RAD17: variants seen among roughly 807,000 people sequenced by gnomAD.
The protein encoded by RAD17 is cell cycle checkpoint protein RAD17.
In RAD17, 31 loss-of-function variants were observed where a neutral mutation model predicts 81.5. That is an observed-to-expected ratio of 0.38 (90% CI 0.29 to 0.51). The LOEUF is 0.51. Among genes scored for constraint, RAD17 ranks in the 20% least tolerant of loss-of-function variants. RAD17 has a pLI of 0.88. For missense variants in RAD17, 681 were observed against 781.2 expected (o/e 0.87, Z 1.53); for synonymous variants, 261 against 266.2 (o/e 0.98, Z 0.19).
intron 17 of RAD17, among the ~76,000 whole-genome samples, chr5:69,405,982 C>A (rs1260005793): frequency 6.7e-6 from 1 of 149,996 alleles, no homozygotes; most frequent in Non-Finnish European, 1.5e-5. Flanking sequence ...GTAGAGGTTA[C>A]TGTGAGCTGA....
Position 69,410,510 on chromosome 5 carries a change from C to G in RAD17, c.1711C>G (p.Gln571Glu). The G allele has an allele frequency of 6.2e-7, 1 of 1,612,378 alleles. No individual in the cohort carries two copies. Among genetic ancestry groups the G allele is most frequent in the Non-Finnish European group, 8.5e-7 (1 of 1,179,136 alleles). ...TGTTTCAGCTCAGATTTCTTTTATC[C>G]AAGATATTGGAAGGCTCCCTCTGAA... is the stretch of plus-strand genomic sequence containing the variant. ...MRNQAQISFIQDIGRLPLKRH... is the reference protein window; with the variant it reads ...MRNQAQISFIEDIGRLPLKRH... Residue 571 changes from glutamine to glutamate, a missense_variant, in exon 18 of 19, where the codon CAA becomes GAA. By Grantham distance (29) the Gln-to-Glu change is conservative. Transcript: ENST00000354868.
intron 16 of RAD17, among the ~76,000 whole-genome samples, chr5:69,398,660 G>T (rs1482792305): frequency 6.6e-6 from 1 of 151,666 alleles, no homozygotes; most frequent in Non-Finnish European, 1.5e-5. Context: ...ACAAAAGTTT[G>T]CCAGGTGTGG....
In RAD17 at chr5:69,369,989, A is replaced by C. The variant is rs1762830769; in HGVS notation, c.-417+56A>C. On this transcript the variant is annotated intron_variant, in intron 1 of 18. Transcript: ENST00000354868. The stretch of plus-strand genomic sequence containing the variant: ...GTATATGTCTTAGAGACGTGAGTCT[A>C]TCTCTGCCTTCAAGCTTTCCTGGGC... 3 of 443,156 alleles carry C rather than the reference A, an allele frequency of 6.8e-6. 1 individual carries two copies. The South Asian group carries it at 1.0e-4, about 15-fold the overall frequency. The allele number at this position is 443,156 out of a possible 1,614,324, so 27.5% of individuals were successfully genotyped here. A position where few individuals can be genotyped will look rare whatever the true frequency, so the allele number is the denominator to read the frequency against.
chr5:69,397,417 C>G (rs1764961865), intron 16 of RAD17, among the ~76,000 whole-genome samples: 1 of 151,938 alleles, frequency 6.6e-6, no homozygotes, highest in African/African-American at 2.4e-5. Flanking sequence ...GCTGGGATTA[C>G]AGGCATGAGC....
intron 16 of RAD17, among the ~76,000 whole-genome samples, chr5:69,399,246 C>A (rs966824750): frequency 6.6e-6 from 1 of 152,086 alleles, no homozygotes; most frequent in Non-Finnish European, 1.5e-5. Flanking sequence ...CAGAGTGAGA[C>A]CCCCATCTCT....
intron 5 of RAD17, 27 bp downstream of exon 5, chr5:69,374,114 A>G (rs1350948815): frequency 7.0e-6 from 11 of 1,571,308 alleles, no homozygotes; most frequent in Admixed American, 2.0e-5. Flanking sequence ...AGACATATCT[A>G]CATAATTTAA....
At position 69,369,873 on chromosome 5, in the gene RAD17, A is replaced by T. The variant is rs762420567; in HGVS notation, c.-477A>T. ...GGTAGGGCCAGGTGGCTGCCCTTTC[A>T]CCTAGGGTAGTCCCTGGTCGCCTCC... On this transcript the variant is annotated 5_prime_UTR_variant, in exon 1 of 19. Transcript: ENST00000354868. The T allele has an allele frequency of 4.6e-6, 3 of 647,802 alleles. No homozygotes were observed. The highest frequency in any genetic ancestry group is 8.0e-6 in the Non-Finnish European group (3 of 377,284). 40.1% of individuals were successfully genotyped at this position (647,802 alleles called of 1,614,324 possible).
intron 10 of RAD17, 37 bp from the exon 11 acceptor site, chr5:69,386,359 T>C (rs2150815607): frequency 1.9e-6 from 3 of 1,580,454 alleles, no homozygotes; most frequent in Non-Finnish European, 2.6e-6. Context: ...ATTTTTAAAT[T>C]AATCATTTAA....
At position 69,372,982 on chromosome 5, in the gene RAD17, C is replaced by T. The variant is rs867525772; in HGVS notation, c.9+765C>T. 1.2e-4 allele frequency among the ~76,000 whole-genome samples: 18 copies of T among 152,254 alleles called. No homozygotes were observed. In the Middle Eastern group the frequency reaches 0.01, roughly 86 times the overall value. ...TCAATTATAAAAATATTAGTTGCTT[C>T]ATACACTGAAGAAAAATATAATCCA... On this transcript the variant is annotated intron_variant, in intron 4 of 18. Coordinates refer to ENST00000354868, the MANE Select transcript of RAD17 (RefSeq NM_133338.3).
chr5:69,374,507 A>G (rs961095778), intron 5 of RAD17, 121 bp from the exon 6 acceptor site: 2 of 594,114 alleles, frequency 3.4e-6, no homozygotes, highest in Non-Finnish European at 5.8e-6. Flanking sequence ...TCATTTTATT[A>G]TATAGATTGT....
At position 69,394,743 on chromosome 5, in the gene RAD17, C is replaced by T. The variant is rs188816969; in HGVS notation, c.1422+1243C>T. On this transcript the variant is annotated intron_variant, in intron 15 of 18. Transcript: ENST00000354868. ...TCTGTTGGACGACACTATTTTGATACGTTAATATTTCTGTGTGCTATAAAT... is the reference window on the plus strand; with the variant it reads ...TCTGTTGGACGACACTATTTTGATATGTTAATATTTCTGTGTGCTATAAAT... Among the ~76,000 whole-genome samples, 24 of 152,242 alleles carry T rather than the reference C, an allele frequency of 1.6e-4. No individual in the cohort carries two copies. The South Asian group carries it at 3.3e-3, about 21-fold the overall frequency.
intron 18 of RAD17, among the ~76,000 whole-genome samples, chr5:69,413,484 CT>C (rs1766153401): frequency 2.0e-5 from 3 of 152,046 alleles, no homozygotes; most frequent in Admixed American, 2.0e-4. Flanking sequence ...GACATTATTT[CT>C]TTTTATTTTT....
upstream of RAD17, chr5:69,369,636 C>A: frequency 6.4e-7 from 1 of 1,564,802 alleles, no homozygotes; most frequent in African/African-American, 1.4e-5. Flanking sequence ...CCCGGCGGCC[C>A]AGCCGCGGCC....
intron 17 of RAD17, among the ~76,000 whole-genome samples, chr5:69,408,988 A>G (rs1765803140): frequency 6.6e-6 from 1 of 152,148 alleles, no homozygotes; most frequent in Admixed American, 6.5e-5. Context: ...CTTATGAACT[A>G]GTTGGCTTAT....
Position 69,386,465 on chromosome 5 carries a change from G to A in RAD17, c.894G>A (p.Lys298=). 2.5e-6 allele frequency: 4 copies of A among 1,583,960 alleles called. No individual in the cohort carries two copies. Among genetic ancestry groups the A allele is most frequent in the Non-Finnish European group, 3.4e-6 (4 of 1,168,488 alleles). ...GAATAGTGACTATAGAAGCTAACAA[G>A]GTAAGTCTCTGATTAATTAAACCTT... ...LNRIVTIEAN[K]NGGKITVPDK... The change falls in exon 11 of 19, where the codon AAG becomes AAA. Residue 298 remains lysine, a splice_region_variant and synonymous_variant. Transcript: ENST00000354868.
chr5:69,390,806 A>G (rs1227356903), intron 12 of RAD17, among the ~76,000 whole-genome samples: 1 of 151,478 alleles, frequency 6.6e-6, no homozygotes, highest in African/African-American at 2.4e-5. Flanking sequence ...AAATATATAT[A>G]TATATAGCCA....
In RAD17 at chr5:69,414,304, C is replaced by G. The variant is rs777632953; in HGVS notation, c.*12C>G. On this transcript the variant is annotated 3_prime_UTR_variant, in exon 19 of 19. Transcript: ENST00000354868. ...GTGATGGGACATAGAAGCCAGCCTG[C>G]TAATCAGATTGCTACTTCACAGCTT... 1 of 1,611,418 alleles carries G rather than the reference C, an allele frequency of 6.2e-7. No homozygotes were observed. Among genetic ancestry groups the G allele is most frequent in the South Asian group, 1.1e-5 (1 of 90,968 alleles).
intron 11 of RAD17, among the ~76,000 whole-genome samples, chr5:69,387,348 A>C (rs977392925): frequency 6.6e-6 from 1 of 152,184 alleles, no homozygotes; most frequent in Admixed American, 6.5e-5. Flanking sequence ...AAATCAACCA[A>C]ATCTTGCATG....
intron 7 of RAD17, 90 bp downstream of exon 7, chr5:69,382,147 C>A (rs1763898999): frequency 7.1e-7 from 1 of 1,408,464 alleles, no homozygotes; most frequent in African/African-American, 1.5e-5. Context: ...GCATTTTTTC[C>A]CATACTTCTT....
Sources: allele counts gnomAD v4.1 joint callset (sites outside exome capture counted in the v4.1 genomes callset), GRCh38; gene constraint gnomAD v4.1.1; transcripts MANE v1.5; gene names NCBI Gene and HGNC (gene_info 2026-07-23, HGNC 2026-07-21).